Variants in TMEM255A observed in about 807,000 individuals in gnomAD.
TMEM255A encodes family with sequence similarity 70, member A.
TMEM255A carries 14 observed loss-of-function variants against 23.5 expected under a neutral mutation model. The ratio of observed to expected loss-of-function variants is 0.60; its 90% CI spans 0.39 to 0.93. The LOEUF (loss-of-function observed/expected upper bound fraction) is 0.93. Among genes scored for constraint, TMEM255A ranks in the 40% least tolerant of loss-of-function variants. The probability of loss-of-function intolerance (pLI) is 0.00; values close to 1 mark genes in which losing one functional copy is unlikely to be tolerated. For synonymous variants in TMEM255A, 104 were observed against 100.3 expected (o/e 1.04, Z -0.22); for missense variants, 233 against 261.7 (o/e 0.89, Z 0.76).
chrX:120,274,718 TA>T (rs1285048380), intron 7 of TMEM255A, among the ~76,000 whole-genome samples: 1 of 112,148 alleles, frequency 8.9e-6, no homozygotes, highest in African/African-American at 3.2e-5. Context: ...TTCCTTTGTT[TA>T]ATACACGCAT....
In TMEM255A at chrX:120,260,975, CTG is replaced by C. The variant is rs2147176069; in HGVS notation, c.871_872del (p.Gln291ValfsTer27). 8.4e-6 allele frequency: 10 copies of C among 1,196,964 alleles called. No individual in the cohort carries two copies. Among genetic ancestry groups the C allele is most frequent in the Non-Finnish European group, 9.0e-6 (8 of 890,782 alleles). ...SPPSGLSDEPQSASPSPSYMW... is the reference protein window; with the variant it reads ...SPPSGLSDEPXSASPSPSYMW... Reference sequence around the variant, plus strand: ...TGTAGCTGGGTGAGGGAGAGGCAGACTGGGGCTCATCAGAAAGTCCAGAGGGA... The same window carrying C: ...TGTAGCTGGGTGAGGGAGAGGCAGACGGGCTCATCAGAAAGTCCAGAGGGA... On this transcript the variant is annotated frameshift_variant, in exon 9 of 9. Transcript: ENST00000371369. LOFTEE classifies it high-confidence loss of function.
Position 120,265,988 on chromosome X carries a change from CAAAAAA to C in TMEM255A, c.819+2250_819+2255del, listed in dbSNP as rs782107279. On this transcript the variant is annotated intron_variant, in intron 8 of 8. Transcript: ENST00000371369. ...TGAAACCCTGTCTCTACAAAAGATACAAAAAAAAAAAAAAAAATAGCCGGGCATGGT... is the reference window on the plus strand; with the variant it reads ...TGAAACCCTGTCTCTACAAAAGATACAAAAAAAAAAATAGCCGGGCATGGT... Among the ~76,000 whole-genome samples, 157 of 68,734 alleles carry C rather than the reference CAAAAAA, an allele frequency of 2.3e-3. 2 individuals carry two copies. In the East Asian group the frequency reaches 0.063, roughly 27 times the overall value. The allele number at this position is 68,734 out of a possible 115,157, so 59.7% of individuals were successfully genotyped here.
chrX:120,311,296 AG>A lies in TMEM255A; in HGVS notation c.13del (p.Leu5Ter). MHQS[L>X]TQQRSSDMSL... ...CATGTCGCTGGACCGCTGCTGAGTC[AG>A]GGACTGATGCATGGTGAAAACTGCC... On this transcript the variant is annotated frameshift_variant, in exon 1 of 9. Coordinates refer to ENST00000371369, the MANE Select transcript of TMEM255A (RefSeq NM_001104544.3). LOFTEE classifies it high-confidence loss of function. 1 of 1,182,092 alleles carries A rather than the reference AG, an allele frequency of 8.5e-7. No homozygotes were observed. The highest frequency in any genetic ancestry group is 2.4e-5 in the Admixed American group (1 of 41,546).
chrX:120,251,447 G>A, the TMEM255A span, among the ~76,000 whole-genome samples: 1 of 108,364 alleles, frequency 9.2e-6, no homozygotes, highest in African/African-American at 3.4e-5. Flanking sequence ...TACTTTCCCT[G>A]GTACCCCATA....
chrX:120,302,416 C>T (rs2058038504), intron 2 of TMEM255A, among the ~76,000 whole-genome samples: 1 of 111,242 alleles, frequency 9.0e-6, no homozygotes, highest in South Asian at 3.9e-4. Context: ...CTGAAATACA[C>T]AAAGTCAAGC....
rs189049809 is a variant in TMEM255A at position 120,276,374 on chromosome X, T to C, written c.675+511A>G. On this transcript the variant is annotated intron_variant, in intron 7 of 8. Coordinates refer to ENST00000371369, the MANE Select transcript of TMEM255A (RefSeq NM_001104544.3). ...TTGAAGGCAAGACCTGGCAAGCAAC[T>C]TAGCCTAGAGCTGGCTCTGCGAATG... Among the ~76,000 whole-genome samples the C allele has an allele frequency of 3.6e-5, 4 of 112,070 alleles. No homozygotes were observed. In the East Asian group the frequency reaches 1.1e-3, roughly 32 times the overall value.
intron 1 of TMEM255A, among the ~76,000 whole-genome samples, chrX:120,310,526 T>C (rs1448159870): frequency 9.0e-6 from 1 of 111,714 alleles, no homozygotes; most frequent in Non-Finnish European, 1.9e-5. Context: ...TTTCTCGCGC[T>C]CTCACTCCTG....
intron 5 of TMEM255A, 36 bp from the exon 6 acceptor site, chrX:120,285,251 T>C (rs373497828): frequency 8.2e-6 from 9 of 1,100,684 alleles, no homozygotes; most frequent in Non-Finnish European, 1.1e-5. Context: ...TGAGCTGGCA[T>C]TGGATAGGAA....
intron 7 of TMEM255A, among the ~76,000 whole-genome samples, chrX:120,275,688 T>TA (rs58926899): frequency 4.3e-4 from 43 of 100,964 alleles, no homozygotes; most frequent in Admixed American, 9.7e-4. Context: ...CCTGGGAGCT[T>TA]AAAAAAAAAA....
At chrX:120,274,833 G>A (rs1321284146) in intron 7 of TMEM255A, among the ~76,000 whole-genome samples, 3 of 111,677 alleles carry the variant, frequency 2.7e-5, no homozygotes, top group African/African-American at 9.8e-5. Flanking sequence ...TGGAGAGGGG[G>A]AAGCCTTACA....
downstream of TMEM255A, chrX:120,254,409 G>C (rs891099629): frequency 8.3e-7 from 1 of 1,211,288 alleles, no homozygotes; most frequent in Non-Finnish European, 1.1e-6. Context: ...AGAGGAGGAG[G>C]AGGAAATAAT....
intron 8 of TMEM255A, among the ~76,000 whole-genome samples, chrX:120,263,823 G>GA (rs1569331442): frequency 7.4e-5 from 8 of 108,538 alleles, no homozygotes. Context: ...GGTGGCGGGG[G>GA]GAAGAAAAAG....
At chrX:120,277,239 C>T (rs1402449365) in intron 6 of TMEM255A, among the ~76,000 whole-genome samples, 192 bp from the exon 7 acceptor site, 2 of 111,544 alleles carry the variant, frequency 1.8e-5, no homozygotes, top group Non-Finnish European at 3.8e-5. Context: ...TCCCCACTCC[C>T]CGAAAAAAAA....
chrX:120,255,475 G>A, downstream of TMEM255A: 1 of 1,048,970 alleles, frequency 9.5e-7, no homozygotes, highest in Non-Finnish European at 1.3e-6. Flanking sequence ...TGGATGATGG[G>A]GCAGGGGTTT....
At chrX:120,285,920 T>TC in intron 5 of TMEM255A, 1 of 1,174,345 alleles carries the variant, frequency 8.5e-7, no homozygotes, top group Non-Finnish European at 1.1e-6. Flanking sequence ...TCCAGCTCTC[T>TC]CCCCCATCCA....
chrX:120,284,672 C>T (rs1012965049), intron 6 of TMEM255A, among the ~76,000 whole-genome samples: 3 of 111,312 alleles, frequency 2.7e-5, no homozygotes, highest in Non-Finnish European at 3.8e-5. Context: ...AGAATATAAG[C>T]TCCACAGGGG....
In TMEM255A at chrX:120,260,877, C is replaced by T. The variant is rs1556016482; in HGVS notation, c.971G>A (p.Ser324Asn). 2 of 1,204,064 alleles carry T rather than the reference C, an allele frequency of 1.7e-6. No individual in the cohort carries two copies. The highest frequency in any genetic ancestry group is 6.0e-5 in the East Asian group (2 of 33,190). The stretch of plus-strand genomic sequence containing the variant: ...GCCAGCAGGCATTCCTCTTTAGGGA[C>T]TGTAAGGTGGTGGCTTTTCAAAAGG... ...YPPFEKPPPYSP is the reference protein window; with the variant it reads ...YPPFEKPPPYNP The change falls in exon 9 of 9, where the codon AGT (serine) becomes AAT (asparagine). Residue 324 changes from serine (S) to asparagine (N), a missense_variant. Ser to Asn is a conservative substitution (Grantham distance 46, BLOSUM62 1). Transcript: ENST00000371369.
chrX:120,278,557 TAAATG>T (rs1232804972), intron 6 of TMEM255A, among the ~76,000 whole-genome samples: 3 of 112,078 alleles, frequency 2.7e-5, no homozygotes, highest in Non-Finnish European at 3.8e-5. Flanking sequence ...TGGAATTAAT[TAAATG>T]AAAGTTCCTG....
intron 2 of TMEM255A, among the ~76,000 whole-genome samples, chrX:120,299,175 A>G (rs1253206254): frequency 9.0e-6 from 1 of 111,486 alleles, no homozygotes; most frequent in Non-Finnish European, 1.9e-5. Context: ...ACAGGATCTC[A>G]CTCTGTCACC....
Sources: allele counts gnomAD v4.1 joint callset (sites outside exome capture counted in the v4.1 genomes callset), GRCh38; gene constraint gnomAD v4.1.1; transcripts MANE v1.5; gene names NCBI Gene and HGNC (gene_info 2026-07-23, HGNC 2026-07-21).